The following LPP variants were observed in gnomAD, a reference collection of about 807,000 sequenced individuals.
LPP encodes the protein LIM domain containing preferred translocation partner in lipoma, also known as lipoma-preferred partner.
Under a neutral mutation model 60.4 loss-of-function variants are expected in LPP, and 38 were observed. That is an observed-to-expected ratio of 0.63 (90% confidence interval 0.49 to 0.83). The LOEUF (loss-of-function observed/expected upper bound fraction) is 0.83. Among genes scored for constraint, LPP ranks in the 40% least tolerant of loss-of-function variants. The pLI, the probability that LPP is intolerant of heterozygous loss-of-function variation, is 0.00. For synonymous variants in LPP, 328 were observed against 290.8 expected, an observed-to-expected ratio of 1.13 and a Z score of -1.30; for missense variants, 902 against 783.6, an observed-to-expected ratio of 1.15 and a Z score of -1.80.
intron 7 of LPP, among the ~76,000 whole-genome samples, chr3:188,672,001 C>T (rs1032028025): frequency 2.0e-5 from 3 of 152,292 alleles, no homozygotes; most frequent in Middle Eastern, 3.4e-3. Context: ...GGCAAAAAGA[C>T]ATATAGCAAT....
At chr3:188,269,713 C>T (rs988859097) in intron 2 of LPP, among the ~76,000 whole-genome samples, 3 of 149,544 alleles carry the variant, frequency 2.0e-5, no homozygotes, top group East Asian at 2.0e-4. Context: ...TGCAGTGGTG[C>T]GATCTCGGCT....
rs2152108251 is a variant in LPP at position 188,889,454 on chromosome 3, G to GT, written c.*14976dup. 4.3e-6 allele frequency: 1 copy of GT among 231,694 alleles called. No homozygotes were observed. Among genetic ancestry groups the GT allele is most frequent in the African/African-American group, 2.2e-5 (1 of 45,388 alleles). 14.4% of individuals were successfully genotyped at this position (231,694 alleles called of 1,614,324 possible). A position where few individuals can be genotyped will look rare whatever the true frequency, so the allele number is the denominator to read the frequency against. ...CCAGCTGGCAGATTACACTTGCCAA[G>GT]TCGTTCCCTTTCCTTCTAAGTCAGT... On this transcript the variant is annotated 3_prime_UTR_variant, in exon 12 of 12. Transcript: ENST00000617246.
At chr3:188,465,159 A>T (rs886567080) in intron 4 of LPP, among the ~76,000 whole-genome samples, 1 of 152,170 alleles carries the variant, frequency 6.6e-6, no homozygotes, top group African/African-American at 2.4e-5. Flanking sequence ...TGAAATTTAA[A>T]TAAAAATAAA....
At chr3:188,290,025 A>G (rs1197438843) in intron 2 of LPP, among the ~76,000 whole-genome samples, 2 of 151,844 alleles carry the variant, frequency 1.3e-5, no homozygotes, top group East Asian at 3.9e-4. Context: ...GTCTTACCCT[A>G]TCGCCCAGGA....
rs1225905712 is a variant in LPP at position 188,170,556 on chromosome 3, C to T, written c.-190+16304C>T. ...CCACGTTGGCCAGGCTGGTCTCAAA[C>T]TTCCAACCTTGTGATCTGCCCGCCT... is the stretch of plus-strand genomic sequence containing the variant. On this transcript the variant is annotated intron_variant, in intron 1 of 11. Transcript: ENST00000617246. Among the ~76,000 whole-genome samples the T allele has an allele frequency of 3.3e-5, 5 of 152,082 alleles. No homozygotes were observed. The East Asian group carries it at 9.7e-4, about 29-fold the overall frequency.
At chr3:188,615,932 T>A (rs1844764229) in intron 7 of LPP, among the ~76,000 whole-genome samples, 1 of 152,172 alleles carries the variant, frequency 6.6e-6, no homozygotes. Context: ...TTGATGAGGT[T>A]GTTTGTTTTT....
intron 10 of LPP, among the ~76,000 whole-genome samples, chr3:188,867,020 T>C (rs779349189): frequency 2.0e-5 from 3 of 152,156 alleles, no homozygotes; most frequent in Non-Finnish European, 2.9e-5. Flanking sequence ...AATTAATGAA[T>C]GCAAATTGTG....
At chr3:188,696,240 T>TCTCTCA in intron 7 of LPP, among the ~76,000 whole-genome samples, 1 of 152,266 alleles carries the variant, frequency 6.6e-6, no homozygotes, top group South Asian at 2.1e-4. Context: ...TCTCTCTCTC[T>TCTCTCA]CTGTCTCTCT....
At chr3:188,387,857 G>T (rs912614858) in intron 3 of LPP, among the ~76,000 whole-genome samples, 2 of 151,920 alleles carry the variant, frequency 1.3e-5, no homozygotes, top group African/African-American at 2.4e-5. Context: ...GAGCCACCCT[G>T]CCCGGCCCAG....
rs74964085 is a variant in LPP, at chr3:188,463,680, A to G, written c.194-20912A>G. On this transcript the variant is annotated intron_variant, in intron 4 of 11. Transcript: ENST00000617246. ...TAAATTTTCTTCTCTGGCAGAGACC[A>G]TAAGCAGTATGATATTTAGTCATGC... Among the ~76,000 whole-genome samples, 1,181 of 152,342 alleles carry G rather than the reference A, an allele frequency of 7.8e-3. 13 individuals are homozygous for G. The highest frequency in any genetic ancestry group is 0.024 in the African/African-American group (985 of 41,578).
rs544219058 is a variant in LPP at position 188,493,428 on chromosome 3, C to T, written c.306+8724C>T. Among the ~76,000 whole-genome samples, 32 of 152,202 alleles carry T rather than the reference C, an allele frequency of 2.1e-4. 1 individual carries two copies. Among genetic ancestry groups the T allele is most frequent in the South Asian group, 4.2e-4 (2 of 4,818 alleles). On this transcript the variant is annotated intron_variant, in intron 5 of 11. Coordinates refer to ENST00000617246, the MANE Select transcript of LPP (RefSeq NM_001375462.1). The stretch of plus-strand genomic sequence containing the variant: ...CTTTTTACCTATTCTGCTATTTCTA[C>T]TCAAGTCAAGGTTTTCTTTATGTAA...
intron 7 of LPP, among the ~76,000 whole-genome samples, chr3:188,663,732 GAAGACA>G (rs907607003): frequency 2.0e-5 from 3 of 152,132 alleles, no homozygotes; most frequent in African/African-American, 7.2e-5. Flanking sequence ...CACTTTTCTG[GAAGACA>G]GTTTTTCCAC....
At chr3:188,469,270 G>A (rs916581964) in intron 4 of LPP, among the ~76,000 whole-genome samples, 1 of 152,102 alleles carries the variant, frequency 6.6e-6, no homozygotes, top group African/African-American at 2.4e-5. Flanking sequence ...ATACATCAAA[G>A]TGGGTAAAGA....
At chr3:188,837,819 G>A (rs1233380724) in intron 9 of LPP, among the ~76,000 whole-genome samples, 1 of 152,192 alleles carries the variant, frequency 6.6e-6, no homozygotes, top group East Asian at 1.9e-4. Flanking sequence ...AGGCAAGAAA[G>A]GGAGGCAGAA....
rs562293932 is a variant in LPP, at chr3:188,867,038, T to C, written c.1589+660T>C. Among the ~76,000 whole-genome samples the C allele has an allele frequency of 5.9e-5, 9 of 152,256 alleles. No individual in the cohort carries two copies. The South Asian group carries it at 1.0e-3, about 18-fold the overall frequency. On this transcript the variant is annotated intron_variant, in intron 10 of 11. Transcript: ENST00000617246. The stretch of plus-strand genomic sequence containing the variant: ...TAATGAATGCAAATTGTGTGTTCTT[T>C]TGAGGAGGATTAAAAAATGGTGCCT...
At chr3:188,513,051 A>G (rs1816289686) in intron 5 of LPP, among the ~76,000 whole-genome samples, 1 of 152,216 alleles carries the variant, frequency 6.6e-6, no homozygotes, top group Non-Finnish European at 1.5e-5. Flanking sequence ...CCCTACCTCT[A>G]AAAACTTCTG....
intron 9 of LPP, among the ~76,000 whole-genome samples, chr3:188,853,017 T>C (rs1261609981): frequency 2.0e-5 from 3 of 151,830 alleles, no homozygotes; most frequent in Admixed American, 2.0e-4. Context: ...GAGCACAGTG[T>C]CGGGCACCTG....
At chr3:188,757,520 G>A (rs1730668201) in intron 8 of LPP, among the ~76,000 whole-genome samples, 1 of 152,202 alleles carries the variant, frequency 6.6e-6, no homozygotes, top group South Asian at 2.1e-4. Context: ...TAGCTGCTTA[G>A]TAGACTGCCA....
At chr3:188,425,217 C>T (rs1788965793) in intron 4 of LPP, among the ~76,000 whole-genome samples, 1 of 152,094 alleles carries the variant, frequency 6.6e-6, no homozygotes, top group Non-Finnish European at 1.5e-5. Context: ...TGATTTTTGT[C>T]ATTGGTTCTG....
Sources: allele counts gnomAD v4.1 joint callset (sites outside exome capture counted in the v4.1 genomes callset), GRCh38; gene constraint gnomAD v4.1.1; transcripts MANE v1.5; gene names NCBI Gene and HGNC (gene_info 2026-07-23, HGNC 2026-07-21).